ELAVL2: variants seen among roughly 807,000 people sequenced by gnomAD.
ELAVL2 encodes the protein ELAV like RNA binding protein 2, also known as ELAV-like protein 2.
Under a neutral mutation model 34.6 loss-of-function variants are expected in ELAVL2, and 4 were observed. The ratio of observed to expected loss-of-function variants is 0.12; its 90% CI spans 0.06 to 0.26. The LOEUF (loss-of-function observed/expected upper bound fraction) is 0.26. ELAVL2 is among the 10% of genes least tolerant of loss of function. ELAVL2 has a pLI of 1.00. For missense variants in ELAVL2, 432 were observed against 442.8 expected (o/e 0.98, Z 0.22); for synonymous variants, 193 against 154.8 (o/e 1.25, Z -1.83).
chr9:23,713,486 T>A, intron 3 of ELAVL2, among the ~76,000 whole-genome samples: 1 of 152,148 alleles, frequency 6.6e-6, no homozygotes. Flanking sequence ...TTTCAGACTT[T>A]AGAAGGTGAT....
rs150340861 is a variant in ELAVL2 at position 23,737,514 on chromosome 9, C to T, written c.230-6389G>A. On this transcript the variant is annotated intron_variant, in intron 2 of 6. Transcript: ENST00000397312. Reference sequence around the variant, plus strand: ...GATAGATTTACATAAATCTGTTCCACAAATCGGTAAGTATGAATTATGGGA... The same window carrying T: ...GATAGATTTACATAAATCTGTTCCATAAATCGGTAAGTATGAATTATGGGA... Among the ~76,000 whole-genome samples, 629 of 152,250 alleles carry T rather than the reference C, an allele frequency of 4.1e-3. 2 individuals carry two copies. Among genetic ancestry groups the T allele is most frequent in the African/African-American group, 0.014 (596 of 41,524 alleles).
intron 2 of ELAVL2, among the ~76,000 whole-genome samples, chr9:23,742,629 A>G (rs556860650): frequency 6.6e-6 from 1 of 152,324 alleles, no homozygotes; most frequent in East Asian, 1.9e-4. Context: ...CCGGGGGGAA[A>G]ATGTCCACTG....
the ELAVL2 span, among the ~76,000 whole-genome samples, chr9:23,841,411 C>G: frequency 6.6e-6 from 1 of 152,040 alleles, no homozygotes; most frequent in East Asian, 1.9e-4. Context: ...GCTGCTACAC[C>G]ACCAGACAGA....
the ELAVL2 span, among the ~76,000 whole-genome samples, chr9:23,834,912 A>G: frequency 6.6e-6 from 1 of 152,080 alleles, no homozygotes; most frequent in Non-Finnish European, 1.5e-5. Flanking sequence ...AGATTTTTAT[A>G]GTACCTTTTA....
At chr9:23,694,725 AG>A (rs1347094791) in intron 5 of ELAVL2, among the ~76,000 whole-genome samples, 1 of 152,246 alleles carries the variant, frequency 6.6e-6, no homozygotes, top group African/African-American at 2.4e-5. Flanking sequence ...GGAAATATAT[AG>A]CCTCCCACAT....
Position 23,750,388 on chromosome 9 carries a change from T to C in ELAVL2, c.229+11618A>G, listed in dbSNP as rs1281839594. Among the ~76,000 whole-genome samples the C allele has an allele frequency of 2.0e-5, 3 of 152,068 alleles. No individual in the cohort carries two copies. In the East Asian group the frequency reaches 5.8e-4, roughly 29 times the overall value. ...TCTGTATTTTAATCCTATTCCAATA[T>C]GTATAAAAGGGCTTACCCCCATAAA... On this transcript the variant is annotated intron_variant, in intron 2 of 6. Transcript: ENST00000397312.
chr9:23,760,294 AAC>A (rs2054665763), intron 2 of ELAVL2, among the ~76,000 whole-genome samples: 1 of 152,014 alleles, frequency 6.6e-6, no homozygotes, highest in African/African-American at 2.4e-5. Context: ...ATCATTTCGT[AAC>A]AGTTTCATAA....
intron 1 of ELAVL2, among the ~76,000 whole-genome samples, chr9:23,805,456 G>GACTA (rs2062088126): frequency 6.6e-6 from 1 of 152,180 alleles, no homozygotes; most frequent in African/African-American, 2.4e-5. Flanking sequence ...CTTCAATGAA[G>GACTA]GGTTGCCCAT....
intron 1 of ELAVL2, among the ~76,000 whole-genome samples, chr9:23,822,543 T>C (rs2064957138): frequency 6.6e-6 from 1 of 152,092 alleles, no homozygotes; most frequent in African/African-American, 2.4e-5. Context: ...TTCGCCAAGC[T>C]CAATCCCTTT....
intron 2 of ELAVL2, among the ~76,000 whole-genome samples, chr9:23,746,508 AC>A (rs1280466709): frequency 6.6e-6 from 1 of 151,942 alleles, no homozygotes; most frequent in Non-Finnish European, 1.5e-5. Flanking sequence ...AAGTAAAACT[AC>A]CCCCACCTCA....
chr9:23,796,315 C>A (rs1371691467), intron 1 of ELAVL2, among the ~76,000 whole-genome samples: 1 of 152,194 alleles, frequency 6.6e-6, no homozygotes, highest in Non-Finnish European at 1.5e-5. Context: ...CTTTGGGTAA[C>A]TTGCAATCTC....
intron 1 of ELAVL2, among the ~76,000 whole-genome samples, chr9:23,801,174 A>G (rs2061522550): frequency 1.3e-5 from 2 of 152,220 alleles, no homozygotes; most frequent in African/African-American, 4.8e-5. Flanking sequence ...CGCACCCAGG[A>G]ATACTGAAGT....
intron 2 of ELAVL2, among the ~76,000 whole-genome samples, chr9:23,737,884 A>C (rs577137441): frequency 4.6e-5 from 7 of 152,320 alleles, no homozygotes; most frequent in African/African-American, 1.7e-4. Flanking sequence ...CGCTTCCTCC[A>C]AACACAGCTC....
At chr9:23,808,537 G>T (rs1284916274) in intron 1 of ELAVL2, among the ~76,000 whole-genome samples, 1 of 152,096 alleles carries the variant, frequency 6.6e-6, no homozygotes, top group African/African-American at 2.4e-5. Flanking sequence ...AAACTGAATA[G>T]AAGGACAATC....
chr9:23,746,706 T>C (rs1329410174), intron 2 of ELAVL2, among the ~76,000 whole-genome samples: 1 of 151,126 alleles, frequency 6.6e-6, no homozygotes, highest in East Asian at 2.0e-4. Context: ...ATCAGCAATA[T>C]ACTAAGAAAG....
chr9:23,719,631 T>A (rs1228225871), intron 3 of ELAVL2, among the ~76,000 whole-genome samples: 1 of 152,058 alleles, frequency 6.6e-6, no homozygotes, highest in Non-Finnish European at 1.5e-5. Context: ...TAAGTTTGCA[T>A]ATAGCAAAAA....
intron 5 of ELAVL2, among the ~76,000 whole-genome samples, chr9:23,697,419 G>A (rs10811955): frequency 0.18 from 27,890 of 152,042 alleles, 2,729 homozygotes; most frequent in African/African-American, 0.23. Flanking sequence ...TAAGATATTA[G>A]GTACATGGAA....
chr9:23,731,820 A>G lies in ELAVL2; in HGVS notation c.230-695T>C, dbSNP rs540356032. On this transcript the variant is annotated intron_variant, in intron 2 of 6. Transcript: ENST00000397312. ...AAGAAGAAATAGAACATAAACAAAA[A>G]TAACAGGAGAAAAAAAGTCTAGAGT... is the stretch of plus-strand genomic sequence containing the variant. 5.3e-5 allele frequency among the ~76,000 whole-genome samples: 8 copies of G among 152,264 alleles called. No individual in the cohort carries two copies. The South Asian group carries it at 6.2e-4, about 12-fold the overall frequency.
At chr9:23,732,889 T>G (rs2046930137) in intron 2 of ELAVL2, among the ~76,000 whole-genome samples, 1 of 152,104 alleles carries the variant, frequency 6.6e-6, no homozygotes, top group Admixed American at 6.6e-5. Flanking sequence ...ATCGTCACCC[T>G]AGTCAAAAGA....
Sources: allele counts gnomAD v4.1 joint callset (sites outside exome capture counted in the v4.1 genomes callset), GRCh38; gene constraint gnomAD v4.1.1; transcripts MANE v1.5; gene names NCBI Gene and HGNC (gene_info 2026-07-23, HGNC 2026-07-21).